Variants in ARMC3 observed in about 807,000 individuals in gnomAD.
The protein encoded by ARMC3 is armadillo repeat containing 3, also known as armadillo repeat-containing protein 3.
ARMC3 carries 74 observed loss-of-function variants against 90.3 expected under a neutral mutation model. The observed-to-expected ratio is 0.82, with a 90% CI of 0.68 to 0.99. The LOEUF is 0.99. Ranked by LOEUF, ARMC3 falls within the 50% of genes least tolerant of loss-of-function variation. The pLI, the probability that ARMC3 is intolerant of heterozygous loss-of-function variation, is 0.00. For missense variants in ARMC3, 958 were observed against 1,042.8 expected, an observed-to-expected ratio of 0.92 and a Z score of 1.12; for synonymous variants, 334 against 361.8, an observed-to-expected ratio of 0.92 and a Z score of 0.87.
chr10:22,953,491 A>C (rs904912611), intron 3 of ARMC3, among the ~76,000 whole-genome samples: 4 of 152,208 alleles, frequency 2.6e-5, no homozygotes, highest in African/African-American at 9.6e-5. Context: ...ACTCCTGATA[A>C]AATATGTCTG....
intron 2 of ARMC3, among the ~76,000 whole-genome samples, chr10:22,940,872 C>T (rs1564340327): frequency 6.6e-6 from 1 of 152,180 alleles, no homozygotes; most frequent in Admixed American, 6.5e-5. Context: ...GAAATGAAAA[C>T]ATTTGTCCAT....
chr10:22,939,382 G>A (rs1442006750), intron 2 of ARMC3, among the ~76,000 whole-genome samples: 1 of 152,158 alleles, frequency 6.6e-6, no homozygotes, highest in Non-Finnish European at 1.5e-5. Flanking sequence ...AACTCTCAGG[G>A]TGCCGTTAAG....
intron 3 of ARMC3, among the ~76,000 whole-genome samples, chr10:22,953,266 A>T (rs1834803961): frequency 6.6e-6 from 1 of 152,250 alleles, no homozygotes; most frequent in Non-Finnish European, 1.5e-5. Context: ...CAAGGAGCAC[A>T]GATAGCCCTG....
At chr10:22,971,362 CTT>C (rs979862022) in intron 8 of ARMC3, among the ~76,000 whole-genome samples, 6 of 151,408 alleles carry the variant, frequency 4.0e-5, no homozygotes, top group African/African-American at 1.5e-4. Context: ...ACAGATATCT[CTT>C]TGAGTCCCTG....
chr10:22,943,084 C>A (rs189839342), intron 2 of ARMC3, among the ~76,000 whole-genome samples: 5 of 152,204 alleles, frequency 3.3e-5, no homozygotes, highest in Admixed American at 2.0e-4. Context: ...TGTGAGGAAA[C>A]CTTCAAAGAT....
At chr10:23,013,487 CAAAT>C (rs1019760053) in intron 16 of ARMC3, among the ~76,000 whole-genome samples, 2 of 152,154 alleles carry the variant, frequency 1.3e-5, no homozygotes, top group Admixed American at 6.5e-5. Flanking sequence ...GCTTAATTGA[CAAAT>C]GAATTATTAT....
intron 7 of ARMC3, among the ~76,000 whole-genome samples, chr10:22,965,910 G>A (rs55706023): frequency 0.44 from 66,779 of 151,948 alleles, 16,851 homozygotes; most frequent in African/African-American, 0.7. Context: ...AGCTGCTTTA[G>A]AGTCTCTAAT....
chr10:23,037,328 C>T lies in ARMC3; in HGVS notation c.2468C>T (p.Ala823Val), dbSNP rs867516472. The T allele has an allele frequency of 6.8e-6, 11 of 1,613,564 alleles. No homozygotes were observed. Among genetic ancestry groups the T allele is most frequent in the South Asian group, 1.1e-5 (1 of 90,978 alleles). Residue 823 changes from alanine (A) to valine (V), a missense_variant, in exon 19 of 19, where the codon GCG becomes GTG. Ala to Val is a moderately conservative substitution (Grantham distance 64). Coordinates refer to ENST00000298032, the MANE Select transcript of ARMC3 (RefSeq NM_173081.5). ...CTAGTTCGCGGAGAGTACGGTAGAG[C>T]GTGGAATGAAGTCATGCTGCAGAAT... Reference protein sequence around the residue: ...CSLVRGEYGRAWNEVMLQNDS... With the variant: ...CSLVRGEYGRVWNEVMLQNDS...
intron 16 of ARMC3, among the ~76,000 whole-genome samples, chr10:23,023,779 A>G (rs138578143): frequency 4.3e-4 from 65 of 152,310 alleles, no homozygotes; most frequent in African/African-American, 1.6e-3. Context: ...AGGACAGAGC[A>G]GTAGAATTCA....
At chr10:22,931,274 CTA>C (rs1388625224) in intron 1 of ARMC3, among the ~76,000 whole-genome samples, 1 of 152,138 alleles carries the variant, frequency 6.6e-6, no homozygotes, top group East Asian at 1.9e-4. Flanking sequence ...GGTATGTTAA[CTA>C]TGTATAAATT....
chr10:23,010,062 A>G (rs1837847422), intron 16 of ARMC3, among the ~76,000 whole-genome samples: 1 of 151,766 alleles, frequency 6.6e-6, no homozygotes. Flanking sequence ...TCTGTTGCTC[A>G]ATATTCTCAT....
intron 18 of ARMC3, among the ~76,000 whole-genome samples, chr10:23,035,246 C>T (rs113962678): frequency 6.6e-6 from 1 of 152,138 alleles, no homozygotes; most frequent in Non-Finnish European, 1.5e-5. Flanking sequence ...CTAATCCCAT[C>T]GTGGGGTCTA....
intron 3 of ARMC3, among the ~76,000 whole-genome samples, chr10:22,950,412 A>G (rs931434785): frequency 1.4e-4 from 22 of 152,276 alleles, no homozygotes; most frequent in African/African-American, 3.8e-4. Context: ...TACCACTTCA[A>G]AGTAGACTGT....
chr10:22,946,296 T>C (rs1212708659), intron 3 of ARMC3, 35 bp downstream of exon 3: 1 of 1,420,838 alleles, frequency 7.0e-7, no homozygotes, highest in Non-Finnish European at 9.8e-7. Context: ...TTCTGTTTCA[T>C]TAATTTCTTA....
chr10:23,007,720 G>C (rs72812471), intron 14 of ARMC3, among the ~76,000 whole-genome samples: 2 of 11,704 alleles, frequency 1.7e-4, no homozygotes, highest in Non-Finnish European at 1.1e-3. Flanking sequence ...AAAAAAAAGA[G>C]AGAGAGCGAG....
rs1326413473 is a variant in ARMC3 at position 23,008,815 on chromosome 10, A to C, written c.1929A>C (p.Lys643Asn). 1 of 1,609,736 alleles carries C rather than the reference A, an allele frequency of 6.2e-7. No homozygotes were observed. The highest frequency in any genetic ancestry group is 8.5e-7 in the Non-Finnish European group (1 of 1,177,152). The change falls in exon 16 of 19, where the codon AAA (lysine) becomes AAC (asparagine). Residue 643 changes from lysine to asparagine, a missense_variant and splice_region_variant. Transcript: ENST00000298032. ...TTGTGGTTTTTTTTCAAATGACAAG[A>C]AAAAATAGTTATCATTTTAGTGCTG... ...SLRRSSKEKN[K>N]KNSYHFSAGF...
intron 11 of ARMC3, among the ~76,000 whole-genome samples, chr10:22,999,384 A>T (rs1191017537): frequency 6.6e-6 from 1 of 152,198 alleles, no homozygotes; most frequent in South Asian, 2.1e-4. Flanking sequence ...CCGCATCTCT[A>T]CAAAAAGACT....
chr10:23,026,057 T>C (rs962799391), intron 16 of ARMC3, among the ~76,000 whole-genome samples: 3 of 152,138 alleles, frequency 2.0e-5, no homozygotes, highest in African/African-American at 7.2e-5. Flanking sequence ...ACAACAGCCC[T>C]GTAACTATTA....
Position 22,959,124 on chromosome 10 carries a change from A to G in ARMC3, c.347A>G (p.Gln116Arg), listed in dbSNP as rs1275918642. Reference sequence around the variant, plus strand: ...GATGTCATGAATTCTGTCATTGCCCAGCTCGCTCCAGAAGGTAACTTTGCA... The same window carrying G: ...GATGTCATGAATTCTGTCATTGCCCGGCTCGCTCCAGAAGGTAACTTTGCA... The part of the protein sequence containing the change: ...ELDVMNSVIA[Q>R]LAPEEEVVIH... The change falls in exon 5 of 19, where the codon CAG (glutamine) becomes CGG (arginine). Residue 116 changes from glutamine (Q) to arginine (R), a missense_variant. Physicochemically the swap from Gln to Arg is conservative, Grantham distance 43 (BLOSUM62 1). Transcript: ENST00000298032. The G allele has an allele frequency of 6.2e-7, 1 of 1,613,228 alleles. No homozygotes were observed. Among genetic ancestry groups the G allele is most frequent in the Non-Finnish European group, 8.5e-7 (1 of 1,179,304 alleles).
Sources: gnomAD v4.1 joint callset for allele counts (sites outside exome capture counted in the v4.1 genomes callset) on GRCh38, gnomAD v4.1.1 for gene constraint, MANE v1.5 for transcripts, NCBI Gene and HGNC (gene_info 2026-07-23, HGNC 2026-07-21) for gene names.